DOCK7: variants seen among roughly 807,000 people sequenced by gnomAD.
The protein encoded by DOCK7 is dedicator of cytokinesis protein 7.
Under a neutral mutation model 271.0 loss-of-function variants are expected in DOCK7, and 138 were observed. The ratio of observed to expected loss-of-function variants is 0.51; its 90% CI spans 0.44 to 0.59. The LOEUF is 0.59. DOCK7 is among the 20% of genes least tolerant of loss of function. DOCK7 has a pLI of 0.00. For missense variants in DOCK7, 2,066 were observed against 2,592.4 expected, an observed-to-expected ratio of 0.80 and a Z score of 4.41; for synonymous variants, 823 against 876.1, an observed-to-expected ratio of 0.94 and a Z score of 1.07.
At chr1:62,674,092 A>G (rs552180838) in intron 1 of DOCK7, among the ~76,000 whole-genome samples, 1 of 152,324 alleles carries the variant, frequency 6.6e-6, no homozygotes, top group South Asian at 2.1e-4. Flanking sequence ...GAAATACTAA[A>G]CAAGTTCAGC....
At chr1:62,669,086 G>A (rs1041157354) in intron 1 of DOCK7, among the ~76,000 whole-genome samples, 7 of 152,120 alleles carry the variant, frequency 4.6e-5, no homozygotes, top group Admixed American at 6.5e-5. Context: ...ACAATTGAGT[G>A]TCTAAATCTG....
chr1:62,598,609 A>T, intron 14 of DOCK7: 1 of 754,674 alleles, frequency 1.3e-6, no homozygotes, highest in Non-Finnish European at 2.3e-6. Context: ...TTATTAGTTT[A>T]AAAATTTAGA....
chr1:62,548,670 C>T (rs963175981), intron 22 of DOCK7, among the ~76,000 whole-genome samples: 5 of 152,174 alleles, frequency 3.3e-5, no homozygotes, highest in Non-Finnish European at 5.9e-5. Flanking sequence ...ATCCACCTGC[C>T]TCAGCCTCCC....
intron 14 of DOCK7, chr1:62,600,968 C>T (rs956551512): frequency 2.0e-5 from 14 of 700,378 alleles, no homozygotes; most frequent in South Asian, 7.9e-5. Flanking sequence ...TATCAAACAC[C>T]GTTATAACAT....
chr1:62,521,623 T>C (rs78143013), intron 31 of DOCK7, among the ~76,000 whole-genome samples: 3,296 of 152,324 alleles, frequency 0.022, 121 homozygotes, highest in African/African-American at 0.075. Context: ...TATTTTTGAA[T>C]AACTTTATAA....
chr1:62,620,067 C>G (rs1652959732), intron 12 of DOCK7, 74 bp from the exon 13 acceptor site: 1 of 1,231,376 alleles, frequency 8.1e-7, no homozygotes, highest in Non-Finnish European at 1.2e-6. Flanking sequence ...CGCCTGTAAT[C>G]CTAGCACTTT....
chr1:62,475,655 T>C (rs536807601), intron 46 of DOCK7, 52 bp downstream of exon 46: 3 of 1,499,828 alleles, frequency 2.0e-6, no homozygotes, highest in African/African-American at 1.4e-5. Flanking sequence ...TGTTGTTACA[T>C]GGCTTGAATG....
In DOCK7 at chr1:62,505,796, G is replaced by C. The variant is rs145123324; in HGVS notation, c.4497C>G (p.Ser1499=). ...GCACTCCACCAAGAATGCTCTCTTT[G>C]GATTCCGTTACAGAAACGGTCTGCA... is the stretch of plus-strand genomic sequence containing the variant. ...IVVQTVSVTE[S]KESILGGVLK... is the part of the protein sequence containing the mutation. Residue 1499 remains serine (S), a synonymous_variant, in exon 36 of 50, where the codon TCC becomes TCG. Transcript: ENST00000635253. The C allele has an allele frequency of 2.9e-5, 47 of 1,610,214 alleles. No individual in the cohort carries two copies. The highest frequency in any genetic ancestry group is 3.8e-5 in the Non-Finnish European group (45 of 1,178,664).
chr1:62,528,329 AT>A (rs781429228), intron 30 of DOCK7, 24 bp from the exon 31 acceptor site: 3 of 1,590,100 alleles, frequency 1.9e-6, no homozygotes, highest in South Asian at 1.1e-5. Context: ...ATCCAAAAAA[AT>A]AAATAAAACT....
chr1:62,636,996 T>C (rs1473021038), intron 7 of DOCK7, among the ~76,000 whole-genome samples: 2 of 152,148 alleles, frequency 1.3e-5, no homozygotes, highest in South Asian at 2.1e-4. Context: ...ATATATTCAA[T>C]GCAAAAATCT....
chr1:62,476,923 T>C (rs1263974993), intron 44 of DOCK7: 1 of 152,170 alleles, frequency 6.6e-6, no homozygotes, highest in Non-Finnish European at 1.5e-5. Context: ...AAGTCACCAA[T>C]AGGAATATAA....
At chr1:62,533,127 C>T (rs1395895756) in intron 29 of DOCK7, among the ~76,000 whole-genome samples, 1 of 151,960 alleles carries the variant, frequency 6.6e-6, no homozygotes, top group Non-Finnish European at 1.5e-5. Context: ...ATCAGGCAGC[C>T]GTTTTCTTAT....
chr1:62,661,634 G>T (rs1011967287), intron 2 of DOCK7, among the ~76,000 whole-genome samples: 1 of 151,910 alleles, frequency 6.6e-6, no homozygotes, highest in Non-Finnish European at 1.5e-5. Flanking sequence ...ACAAAACCTG[G>T]GAAGTCGCTA....
chr1:62,589,589 C>T (rs1361627646), intron 14 of DOCK7, among the ~76,000 whole-genome samples: 1 of 150,154 alleles, frequency 6.7e-6, no homozygotes, highest in Non-Finnish European at 1.5e-5. Context: ...TGTTTCTAGA[C>T]AATTTAAGTA....
At chr1:62,482,010 C>CAG (rs1646140946) in intron 43 of DOCK7, 1 of 152,136 alleles carries the variant, frequency 6.6e-6, no homozygotes, top group Admixed American at 6.5e-5. Flanking sequence ...GAGCATTTAC[C>CAG]AGTTCACTTC....
At chr1:62,503,776 G>A (rs959805064) in intron 37 of DOCK7, among the ~76,000 whole-genome samples, 1 of 152,020 alleles carries the variant, frequency 6.6e-6, no homozygotes, top group Non-Finnish European at 1.5e-5. Context: ...AGCCAGGCGC[G>A]GTGGCTCACT....
At chr1:62,630,995 G>A (rs1206468023) in intron 11 of DOCK7, among the ~76,000 whole-genome samples, 1 of 151,866 alleles carries the variant, frequency 6.6e-6, no homozygotes, top group Non-Finnish European at 1.5e-5. Flanking sequence ...GACCAGTTTG[G>A]CCAAAATGGT....
chr1:62,545,258 T>C (rs1478847919), intron 22 of DOCK7, among the ~76,000 whole-genome samples: 8 of 152,124 alleles, frequency 5.3e-5, no homozygotes, highest in Admixed American at 5.2e-4. Context: ...CCATTAAGTA[T>C]AGTATTTAAA....
chr1:62,473,836 C>T, intron 48 of DOCK7, 146 bp downstream of exon 48: 1 of 536,192 alleles, frequency 1.9e-6, no homozygotes. Context: ...TCTTCTGCCT[C>T]AGCCTCCCAA....
Sources: gnomAD v4.1 joint callset for allele counts (sites outside exome capture counted in the v4.1 genomes callset) on GRCh38, gnomAD v4.1.1 for gene constraint, MANE v1.5 for transcripts, NCBI Gene and HGNC (gene_info 2026-07-23, HGNC 2026-07-21) for gene names.